Variants in ARMC9 observed in about 807,000 individuals in gnomAD.
The protein encoded by ARMC9 is lisH domain-containing protein ARMC9.
In ARMC9, 94 loss-of-function variants were observed where a neutral mutation model predicts 107.0. That is an observed-to-expected ratio of 0.88 (90% CI 0.74 to 1.04). The LOEUF is 1.04. ARMC9 is among the 50% of genes least tolerant of loss of function. ARMC9 has a pLI of 0.00. For synonymous variants in ARMC9, 380 were observed against 396.9 expected (o/e 0.96, Z 0.51); for missense variants, 942 against 1,030.1 (o/e 0.91, Z 1.17).
chr2:231,263,265 G>A (rs1280901160), intron 12 of ARMC9, among the ~76,000 whole-genome samples: 4 of 152,232 alleles, frequency 2.6e-5, no homozygotes, highest in African/African-American at 9.6e-5. Context: ...TTAAACAGCT[G>A]TCTTAGGCCA....
At chr2:231,308,614 C>T (rs1386319098) in intron 19 of ARMC9, among the ~76,000 whole-genome samples, 6 of 152,148 alleles carry the variant, frequency 3.9e-5, no homozygotes, top group Middle Eastern at 6.8e-3. Context: ...ATGTGTAGGG[C>T]GAAACTAGAT....
At chr2:231,292,460 C>T (rs1244688299) in intron 18 of ARMC9, among the ~76,000 whole-genome samples, 1 of 152,166 alleles carries the variant, frequency 6.6e-6, no homozygotes, top group Non-Finnish European at 1.5e-5. Context: ...TGCAGAAAAA[C>T]TGATGTTGCC....
At chr2:231,289,629 G>T (rs1484445426) in intron 17 of ARMC9, among the ~76,000 whole-genome samples, 1 of 152,190 alleles carries the variant, frequency 6.6e-6, no homozygotes, top group Non-Finnish European at 1.5e-5. Flanking sequence ...GCAGTGCAGG[G>T]CCAAGGCAGT....
At chr2:231,214,696 C>A in intron 3 of ARMC9, 135 bp from the exon 4 acceptor site, 1 of 918,428 alleles carries the variant, frequency 1.1e-6, no homozygotes, top group Non-Finnish European at 1.6e-6. Context: ...GAGCTTGAAT[C>A]CTGTGGGATC....
intron 9 of ARMC9, among the ~76,000 whole-genome samples, chr2:231,247,873 G>A (rs539314457): frequency 2.1e-4 from 32 of 152,248 alleles, no homozygotes; most frequent in South Asian, 2.1e-4. Context: ...AGAGGTTGCA[G>A]TGAACTGAGA....
rs969302918 is a variant in ARMC9 at position 231,375,178 on chromosome 2, A to G, written c.*3643A>G. Among the ~76,000 whole-genome samples the G allele has an allele frequency of 3.3e-5, 5 of 152,292 alleles. No homozygotes were observed. The highest frequency in any genetic ancestry group is 2.1e-4 in the South Asian group (1 of 4,828). On this transcript the variant is annotated 3_prime_UTR_variant, in exon 25 of 25. Coordinates refer to ENST00000611582, the MANE Select transcript of ARMC9 (RefSeq NM_001352754.2). This position sits in a 1 kb window ranked among gnomAD's most constrained non-coding sequence, Gnocchi z 4.3. ...CTTCTGCTGGGCTTGGCTGAACTCA[A>G]CTATGTCTTATGGTCAGAGGGCAGT...
rs2046193696 is a variant in ARMC9 at position 231,376,261 on chromosome 2, T to G, written c.*4726T>G. ...GCAATTGTTCAGGGAATAAGAGAGA[T>G]AACCTTAAACTCTGACCACTGGTGA... On this transcript the variant is annotated 3_prime_UTR_variant, in exon 25 of 25. Transcript: ENST00000611582. Among the ~76,000 whole-genome samples, 4 of 152,204 alleles carry G rather than the reference T, an allele frequency of 2.6e-5. No homozygotes were observed. The highest frequency in any genetic ancestry group is 2.0e-4 in the Admixed American group (3 of 15,284).
rs1239626297 is a variant in ARMC9 at position 231,370,089 on chromosome 2, C to A, written c.2398C>A (p.Pro800Thr). 1 of 1,534,512 alleles carries A rather than the reference C, an allele frequency of 6.5e-7. No homozygotes were observed. Among genetic ancestry groups the A allele is most frequent in the Admixed American group, 2.0e-5 (1 of 50,878 alleles). The stretch of plus-strand genomic sequence containing the variant: ...GTGTGGCCCCCAGCAGGCCAGCCGC[C>A]CCGGCTCCACAGCGTCCTCCACAAG... Reference protein sequence around the residue: ...SSCGPQQASRPGSTASSTRGL... With the variant: ...SSCGPQQASRTGSTASSTRGL... The change falls in exon 24 of 25, where the codon CCC (proline) becomes ACC (threonine). Residue 800 changes from proline to threonine, a missense_variant. Coordinates refer to ENST00000611582, the MANE Select transcript of ARMC9 (RefSeq NM_001352754.2).
chr2:231,331,905 CCACACAAAGGGTGGGGA>C lies in ARMC9; in HGVS notation c.1878+9_1878+25del. ...ACCACGGAGTACCTGGGGGTAAGTG[CCACACAAAGGGTGGGGA>C]TCCTGAAACAGAAAGGCCAGATGGA... is the stretch of plus-strand genomic sequence containing the variant. On this transcript the variant is annotated intron_variant, in intron 20 of 24. Coordinates refer to ENST00000611582, the MANE Select transcript of ARMC9 (RefSeq NM_001352754.2). 6.2e-7 allele frequency: 1 copy of C among 1,602,418 alleles called. No individual in the cohort carries two copies. The highest frequency in any genetic ancestry group is 1.7e-5 in the Admixed American group (1 of 59,722).
intron 6 of ARMC9, among the ~76,000 whole-genome samples, chr2:231,225,624 G>C (rs1370708814): frequency 6.6e-6 from 1 of 152,140 alleles, no homozygotes; most frequent in African/African-American, 2.4e-5. Flanking sequence ...CCAGTGGCAG[G>C]GACCAGGTAT....
chr2:231,366,826 C>T (rs1417347532), intron 23 of ARMC9, among the ~76,000 whole-genome samples: 2 of 147,078 alleles, frequency 1.4e-5, no homozygotes, highest in Non-Finnish European at 3.0e-5. Flanking sequence ...GGTGATAGAG[C>T]GAGACTCTGT....
intron 1 of ARMC9, 69 bp downstream of exon 1, chr2:231,198,767 T>G (rs1218149247): frequency 6.6e-6 from 1 of 152,216 alleles, no homozygotes; most frequent in Non-Finnish European, 1.5e-5. Context: ...GGAGCAGCGG[T>G]GCGTTTGGAG....
chr2:231,239,841 C>T lies in ARMC9; in HGVS notation c.781-102C>T, dbSNP rs534573885. 5.1e-5 allele frequency: 47 copies of T among 928,866 alleles called. No homozygotes were observed. The African/African-American group carries it at 5.7e-4, about 11-fold the overall frequency. 57.5% of individuals were successfully genotyped at this position (928,866 alleles called of 1,614,324 possible). Reference sequence around the variant, plus strand: ...TTACATACCTCATCATCATGCCTTACAGAAAGCTGTTGAGAGACCACTCTA... The same window carrying T: ...TTACATACCTCATCATCATGCCTTATAGAAAGCTGTTGAGAGACCACTCTA... On this transcript the variant is annotated intron_variant, in intron 8 of 24. Transcript: ENST00000611582.
chr2:231,336,877 G>A (rs2044125764), intron 20 of ARMC9, among the ~76,000 whole-genome samples: 1 of 152,192 alleles, frequency 6.6e-6, no homozygotes, highest in Non-Finnish European at 1.5e-5. Context: ...CCCCCAGCCT[G>A]TCTTCTGCAG....
At chr2:231,209,994 A>G (rs912240387) in intron 3 of ARMC9, among the ~76,000 whole-genome samples, 1 of 152,168 alleles carries the variant, frequency 6.6e-6, no homozygotes, top group African/African-American at 2.4e-5. Context: ...TTATTATTTT[A>G]ACAGATTTTT....
intron 9 of ARMC9, among the ~76,000 whole-genome samples, chr2:231,246,430 C>T (rs926003589): frequency 5.9e-5 from 9 of 152,140 alleles, no homozygotes; most frequent in East Asian, 5.8e-4. Flanking sequence ...TGTTTAGCTT[C>T]CACTTAGAAG....
chr2:231,200,461 T>A (rs1329530349), intron 1 of ARMC9, among the ~76,000 whole-genome samples: 1 of 152,124 alleles, frequency 6.6e-6, no homozygotes, highest in Admixed American at 6.5e-5. Flanking sequence ...TCGCTTGAGG[T>A]CAGGAGTTCA....
At chr2:231,311,041 C>T (rs1575038963) in intron 19 of ARMC9, among the ~76,000 whole-genome samples, 2 of 152,046 alleles carry the variant, frequency 1.3e-5, no homozygotes, top group African/African-American at 2.4e-5. Context: ...ATGGGAAGAT[C>T]GCTTGAGCCC....
Position 231,271,018 on chromosome 2 carries a change from G to A in ARMC9, c.1156G>A (p.Val386Met), listed in dbSNP as rs147807280. 1.1e-4 allele frequency: 179 copies of A among 1,614,158 alleles called. 2 individuals carry two copies. Among genetic ancestry groups the A allele is most frequent in the African/African-American group, 3.3e-4 (25 of 75,044 alleles). ...TCAGTTGCTGCACTCCACGAGCGAC[G>A]TGGTGCGGCAGTACATGGCCAGGCT... ...VLQLLHSTSDVVRQYMARLIN... is the reference protein window; with the variant it reads ...VLQLLHSTSDMVRQYMARLIN... The change falls in exon 13 of 25, where the codon GTG becomes ATG. Residue 386 changes from valine (V) to methionine (M), a missense_variant. By Grantham distance (21) the Val-to-Met change is conservative (BLOSUM62 1). Coordinates refer to ENST00000611582, the MANE Select transcript of ARMC9 (RefSeq NM_001352754.2).
Sources: gnomAD v4.1 joint callset for allele counts (sites outside exome capture counted in the v4.1 genomes callset) on GRCh38, gnomAD v4.1.1 for gene constraint, Gnocchi (gnomAD v3.1) non-coding constraint, MANE v1.5 for transcripts, NCBI Gene and HGNC (gene_info 2026-07-23, HGNC 2026-07-21) for gene names.